Variants in PRKN observed in about 807,000 individuals in gnomAD.
PRKN encodes the protein E3 ubiquitin-protein ligase parkin.
In PRKN, 56 loss-of-function variants were observed where a neutral mutation model predicts 59.5. The ratio of observed to expected loss-of-function variants is 0.94; its 90% confidence interval spans 0.76 to 1.18. The LOEUF (loss-of-function observed/expected upper bound fraction) is 1.18, where lower values mean the gene tolerates loss of function less well. Ranked by LOEUF, PRKN falls within the 50% of genes most tolerant of loss-of-function variation. The pLI is 0.00. For synonymous variants in PRKN, 250 were observed against 222.1 expected (o/e 1.13, Z -1.12); for missense variants, 657 against 596.4 (o/e 1.10, Z -1.06).
intron 5 of PRKN, among the ~76,000 whole-genome samples, chr6:162,007,356 G>A (rs952162137): frequency 6.6e-6 from 1 of 152,116 alleles, no homozygotes; most frequent in Non-Finnish European, 1.5e-5. Context: ...CAACAACAAT[G>A]CAAGTATAAT....
At chr6:162,618,041 T>A (rs1782504453) in intron 1 of PRKN, among the ~76,000 whole-genome samples, 1 of 152,062 alleles carries the variant, frequency 6.6e-6, no homozygotes, top group South Asian at 2.1e-4. Flanking sequence ...AGACTGAGGG[T>A]TTAAACCCAT....
intron 1 of PRKN, among the ~76,000 whole-genome samples, chr6:162,584,257 AAAAC>A (rs1780917741): frequency 6.6e-5 from 10 of 151,252 alleles, no homozygotes; most frequent in Non-Finnish European, 1.0e-4. Flanking sequence ...AAAAAAAAAA[AAAAC>A]ACTGACTATA....
rs1780011957 is a variant in PRKN at position 161,551,369 on chromosome 6, C to T, written c.934-2366G>A. 6.6e-6 allele frequency among the ~76,000 whole-genome samples: 1 copy of T among 152,178 alleles called. No homozygotes were observed. The highest frequency in any genetic ancestry group is 1.5e-5 in the Non-Finnish European group (1 of 68,044). ...CCTTGAAATTATTCGTAAAGCTCGA[C>T]ACTAGGTTAGATCTATGACACTCTG... On this transcript the variant is annotated intron_variant, in intron 8 of 11. Transcript: ENST00000366898. This position sits in a 1 kb window ranked among gnomAD's most constrained non-coding sequence, Gnocchi z 5.2.
At chr6:161,723,031 G>T (rs1583055544) in intron 7 of PRKN, among the ~76,000 whole-genome samples, 1 of 152,280 alleles carries the variant, frequency 6.6e-6, no homozygotes, top group East Asian at 1.9e-4. Flanking sequence ...CACTTTGGGA[G>T]GCCAAGGCGG....
At position 161,429,406 on chromosome 6, in the gene PRKN, G is replaced by T. The variant is rs1788544013; in HGVS notation, c.1084-42529C>A. Among the ~76,000 whole-genome samples the T allele has an allele frequency of 6.6e-6, 1 of 152,132 alleles. No individual in the cohort carries two copies. The highest frequency in any genetic ancestry group is 1.5e-5 in the Non-Finnish European group (1 of 68,034). ...CCTAAGTGCTATTGCTCTATGTGTG[G>T]GAAAACAGGCAACCTGGGGAGCCAT... On this transcript the variant is annotated intron_variant, in intron 9 of 11. Coordinates refer to ENST00000366898, the MANE Select transcript of PRKN (RefSeq NM_004562.3). The surrounding 1 kb of genome is among the most constrained non-coding windows in gnomAD (Gnocchi z 4.2).
At chr6:161,865,376 G>A (rs915806569) in intron 6 of PRKN, among the ~76,000 whole-genome samples, 1 of 152,144 alleles carries the variant, frequency 6.6e-6, no homozygotes, top group Non-Finnish European at 1.5e-5. Flanking sequence ...GTCACCAGCT[G>A]CATTAGCCCC....
intron 2 of PRKN, among the ~76,000 whole-genome samples, chr6:162,380,143 C>A (rs1424262313): frequency 6.6e-6 from 1 of 151,964 alleles, no homozygotes; most frequent in Non-Finnish European, 1.5e-5. Flanking sequence ...TTTAATATTT[C>A]ATCTAATAGA....
intron 5 of PRKN, among the ~76,000 whole-genome samples, chr6:162,041,798 C>T (rs1274630526): frequency 6.6e-6 from 1 of 152,098 alleles, no homozygotes; most frequent in African/African-American, 2.4e-5. Context: ...ACTTTGTAGA[C>T]TCCTAAGTAT....
chr6:161,731,062 T>C (rs1293267749), intron 7 of PRKN, among the ~76,000 whole-genome samples: 1 of 152,226 alleles, frequency 6.6e-6, no homozygotes, highest in African/African-American at 2.4e-5. Context: ...CATTCTGAAG[T>C]GTTGCATTCT....
At chr6:161,920,828 C>T (rs1017867021) in intron 6 of PRKN, among the ~76,000 whole-genome samples, 1 of 151,734 alleles carries the variant, frequency 6.6e-6, no homozygotes, top group Admixed American at 6.6e-5. Flanking sequence ...AGGACACTTA[C>T]TGTGAATGGA....
intron 7 of PRKN, among the ~76,000 whole-genome samples, chr6:161,580,550 C>T (rs985823064): frequency 3.3e-5 from 5 of 152,078 alleles, no homozygotes; most frequent in African/African-American, 1.2e-4. Flanking sequence ...AATCTCGGCT[C>T]ACTGCAACCT....
At chr6:161,591,081 T>C (rs1219421933) in intron 7 of PRKN, among the ~76,000 whole-genome samples, 1 of 152,172 alleles carries the variant, frequency 6.6e-6, no homozygotes, top group Admixed American at 6.5e-5. Context: ...AAACATATTC[T>C]GCAATCTTCA....
Position 161,468,196 on chromosome 6 carries a change from C to A in PRKN, c.1083+80658G>T, listed in dbSNP as rs1790578065. 6.6e-6 allele frequency among the ~76,000 whole-genome samples: 1 copy of A among 152,118 alleles called. No individual in the cohort carries two copies. The highest frequency in any genetic ancestry group is 6.6e-5 in the Admixed American group (1 of 15,266). On this transcript the variant is annotated intron_variant, in intron 9 of 11. Coordinates refer to ENST00000366898, the MANE Select transcript of PRKN (RefSeq NM_004562.3). The surrounding 1 kb of genome is among the most constrained non-coding windows in gnomAD (Gnocchi z 5.9). Reference sequence around the variant, plus strand: ...CCATGTTGGCCAGGCTGGTCTTGAACTCCTGACCTCAGGTGATCCGCCCGC... The same window carrying A: ...CCATGTTGGCCAGGCTGGTCTTGAAATCCTGACCTCAGGTGATCCGCCCGC...
chr6:161,703,882 G>C (rs1786372007), intron 7 of PRKN, among the ~76,000 whole-genome samples: 1 of 93,740 alleles, frequency 1.1e-5, no homozygotes, highest in South Asian at 3.9e-4. Flanking sequence ...TTTTTACAGA[G>C]TCTTGCTCTG....
At chr6:161,743,518 G>C (rs1210704675) in intron 7 of PRKN, among the ~76,000 whole-genome samples, 1 of 151,786 alleles carries the variant, frequency 6.6e-6, no homozygotes, top group African/African-American at 2.4e-5. Flanking sequence ...CAAAGTGCTG[G>C]GATTACAGGC....
At chr6:162,727,349 A>G (rs1779301784) in intron 1 of PRKN, 1 of 325,882 alleles carries the variant, frequency 3.1e-6, no homozygotes, top group Non-Finnish European at 5.4e-6. Flanking sequence ...AGGCTTCGGG[A>G]CCCCACACGG....
chr6:162,295,783 G>A lies in PRKN; in HGVS notation c.172-33018C>T, dbSNP rs34813422. On this transcript the variant is annotated intron_variant, in intron 2 of 11. Transcript: ENST00000366898. Reference sequence around the variant, plus strand: ...ACACAAGCCTACGCTTGCCCTTGGAGTTTATTTTGACTTCTGCATAGGTGG... The same window carrying A: ...ACACAAGCCTACGCTTGCCCTTGGAATTTATTTTGACTTCTGCATAGGTGG... 6.6e-3 allele frequency among the ~76,000 whole-genome samples: 1,011 copies of A among 152,242 alleles called. 8 individuals are homozygous for A. Among genetic ancestry groups the A allele is most frequent in the African/African-American group, 0.023 (950 of 41,550 alleles).
rs1024834838 is a variant in PRKN at position 161,391,032 on chromosome 6, AAC to A, written c.1084-4157_1084-4156del. On this transcript the variant is annotated intron_variant, in intron 9 of 11. Coordinates refer to ENST00000366898, the MANE Select transcript of PRKN (RefSeq NM_004562.3). The surrounding 1 kb of genome is among the most constrained non-coding windows in gnomAD (Gnocchi z 4.9). ...GGAACTCTGGGTTAGGCAGATACAAAACTCCTTCTTAAGACAGTGTTCGGGCC... is the reference window on the plus strand; with the variant it reads ...GGAACTCTGGGTTAGGCAGATACAAATCCTTCTTAAGACAGTGTTCGGGCC... Among the ~76,000 whole-genome samples, 1 of 152,062 alleles carries A rather than the reference AAC, an allele frequency of 6.6e-6. No individual in the cohort carries two copies. The highest frequency in any genetic ancestry group is 1.5e-5 in the Non-Finnish European group (1 of 68,020).
At chr6:161,676,173 G>A (rs1415003183) in intron 7 of PRKN, among the ~76,000 whole-genome samples, 2 of 152,244 alleles carry the variant, frequency 1.3e-5, no homozygotes, top group Non-Finnish European at 2.9e-5. Flanking sequence ...GGCCATGAAG[G>A]AGAGATGCTG....
Sources: allele counts gnomAD v4.1 joint callset (sites outside exome capture counted in the v4.1 genomes callset), GRCh38; gene constraint gnomAD v4.1.1; non-coding constraint Gnocchi (gnomAD v3.1); transcripts MANE v1.5; gene names NCBI Gene and HGNC (gene_info 2026-07-23, HGNC 2026-07-21).